NLGN1: variants seen among roughly 807,000 people sequenced by gnomAD.
NLGN1 encodes neuroligin 1.
NLGN1 carries 12 observed loss-of-function variants against 65.5 expected under a neutral mutation model. The ratio of observed to expected loss-of-function variants is 0.18; its 90% CI spans 0.12 to 0.30. The LOEUF (loss-of-function observed/expected upper bound fraction) is 0.30, where lower values mean the gene tolerates loss of function less well. Ranked by LOEUF, NLGN1 falls within the 10% of genes least tolerant of loss-of-function variation. NLGN1 has a pLI of 1.00. For synonymous variants in NLGN1, 350 were observed against 359.5 expected, an observed-to-expected ratio of 0.97 and a Z score of 0.30; for missense variants, 750 against 1,007.1, an observed-to-expected ratio of 0.74 and a Z score of 3.46.
At chr3:174,174,970 T>A (rs775425075) in intron 4 of NLGN1, among the ~76,000 whole-genome samples, 7 of 151,998 alleles carry the variant, frequency 4.6e-5, no homozygotes, top group Non-Finnish European at 1.5e-5. Flanking sequence ...AAATTCTTCT[T>A]GTTATTAATT....
intron 3 of NLGN1, among the ~76,000 whole-genome samples, chr3:173,663,737 A>G (rs1337666436): frequency 6.6e-6 from 1 of 152,074 alleles, no homozygotes; most frequent in Admixed American, 6.6e-5. Flanking sequence ...TCTTTTCTGC[A>G]CTAGTATGTC....
At chr3:173,776,335 A>G (rs1238479599) in intron 3 of NLGN1, among the ~76,000 whole-genome samples, 1 of 152,092 alleles carries the variant, frequency 6.6e-6, no homozygotes, top group Non-Finnish European at 1.5e-5. Context: ...TCTGGATTCT[A>G]TGAAGAGTTG....
At chr3:174,238,385 A>G (rs1262205608) in intron 4 of NLGN1, among the ~76,000 whole-genome samples, 1 of 150,112 alleles carries the variant, frequency 6.7e-6, no homozygotes, top group African/African-American at 2.5e-5. Flanking sequence ...TTTGTTTGAG[A>G]TGGAGTCTCC....
intron 3 of NLGN1, among the ~76,000 whole-genome samples, chr3:173,765,046 G>A (rs1401037690): frequency 7.4e-6 from 1 of 135,026 alleles, no homozygotes; most frequent in African/African-American, 2.9e-5. Context: ...TAATTGCTGT[G>A]GGTGCATGTG....
chr3:174,083,554 A>G (rs1244097205), intron 4 of NLGN1, among the ~76,000 whole-genome samples: 2 of 152,238 alleles, frequency 1.3e-5, no homozygotes, highest in East Asian at 3.9e-4. Flanking sequence ...ATAACATCTC[A>G]TATATTGAGG....
At chr3:173,882,774 A>T (rs952001753) in intron 4 of NLGN1, among the ~76,000 whole-genome samples, 4 of 152,254 alleles carry the variant, frequency 2.6e-5, no homozygotes, top group Non-Finnish European at 5.9e-5. Flanking sequence ...TTACTATAGT[A>T]GCACTTTCAA....
intron 4 of NLGN1, among the ~76,000 whole-genome samples, chr3:173,815,079 T>G (rs1281642594): frequency 6.6e-6 from 1 of 151,104 alleles, no homozygotes; most frequent in East Asian, 1.9e-4. Context: ...TTTCCTTCGT[T>G]CCTTCTTTCC....
intron 4 of NLGN1, among the ~76,000 whole-genome samples, chr3:173,994,614 C>G (rs1721896731): frequency 6.6e-6 from 1 of 152,000 alleles, no homozygotes; most frequent in Non-Finnish European, 1.5e-5. Context: ...GCCTCTCTTA[C>G]TGTGAAACAT....
At chr3:174,281,587 C>A in exon 7 of NLGN1, 1 of 308,884 alleles carries the variant, frequency 3.2e-6, no homozygotes, top group Non-Finnish European at 6.0e-6. Context: ...TGGAATTAGG[C>A]ATGTGGAACA....
At chr3:173,741,689 C>T (rs1774672526) in intron 3 of NLGN1, among the ~76,000 whole-genome samples, 1 of 151,914 alleles carries the variant, frequency 6.6e-6, no homozygotes, top group African/African-American at 2.4e-5. Flanking sequence ...GATGGGGTTT[C>T]ACCATGTTGG....
chr3:173,408,896 A>C (rs1711889807), intron 1 of NLGN1, among the ~76,000 whole-genome samples: 1 of 142,580 alleles, frequency 7.0e-6, no homozygotes, highest in African/African-American at 2.7e-5. Context: ...TGGGCAACAG[A>C]GCGAGACTCT....
At chr3:174,105,179 A>G (rs1046650941) in intron 4 of NLGN1, among the ~76,000 whole-genome samples, 1 of 152,082 alleles carries the variant, frequency 6.6e-6, no homozygotes, top group Non-Finnish European at 1.5e-5. Flanking sequence ...TACGGGACTT[A>G]AGTTATGACT....
chr3:173,424,203 C>T (rs959231707), intron 1 of NLGN1, among the ~76,000 whole-genome samples: 13 of 152,312 alleles, frequency 8.5e-5, no homozygotes, highest in African/African-American at 2.2e-4. Flanking sequence ...TCCACTGGGC[C>T]CTGGGCCCGG....
chr3:173,415,919 G>GGGAGA (rs1713654461), intron 1 of NLGN1, among the ~76,000 whole-genome samples: 1 of 125,204 alleles, frequency 8.0e-6, no homozygotes, highest in African/African-American at 3.3e-5. Context: ...AGAGAGAGAG[G>GGGAGA]GAGAGAGAGA....
At chr3:173,895,080 G>A (rs957979781) in intron 4 of NLGN1, among the ~76,000 whole-genome samples, 4 of 152,168 alleles carry the variant, frequency 2.6e-5, no homozygotes, top group Non-Finnish European at 5.9e-5. Context: ...TGCCGGGAGG[G>A]GGGGAGTTGT....
chr3:173,968,889 C>T (rs1050717984), intron 4 of NLGN1, among the ~76,000 whole-genome samples: 6 of 150,804 alleles, frequency 4.0e-5, no homozygotes, highest in Admixed American at 2.0e-4. Flanking sequence ...TTAGTAGAGA[C>T]GGGGTTTTAC....
At chr3:173,781,668 G>A (rs1781180280) in intron 3 of NLGN1, among the ~76,000 whole-genome samples, 2 of 152,182 alleles carry the variant, frequency 1.3e-5, no homozygotes, top group Admixed American at 1.3e-4. Context: ...ACTTCAGACA[G>A]GAGGGGTTAA....
At chr3:173,580,769 G>C (rs1199082136) in intron 2 of NLGN1, among the ~76,000 whole-genome samples, 1 of 151,876 alleles carries the variant, frequency 6.6e-6, no homozygotes, top group African/African-American at 2.4e-5. Flanking sequence ...ACTGAAAAAT[G>C]AACCTTCAGT....
At chr3:173,452,669 A>G (rs1179703525) in intron 2 of NLGN1, among the ~76,000 whole-genome samples, 1 of 152,190 alleles carries the variant, frequency 6.6e-6, no homozygotes, top group Non-Finnish European at 1.5e-5. Context: ...ACTCATATTT[A>G]AATGCATTAG....
Sources: gnomAD v4.1 joint callset for allele counts (sites outside exome capture counted in the v4.1 genomes callset) on GRCh38, gnomAD v4.1.1 for gene constraint, MANE v1.5 for transcripts, NCBI Gene and HGNC (gene_info 2026-07-23, HGNC 2026-07-21) for gene names.